LGALS8: variants seen among roughly 807,000 people sequenced by gnomAD.
LGALS8 encodes galectin 8, also known as galectin-8.
In LGALS8, 30 loss-of-function variants were observed where a neutral mutation model predicts 35.9. That is an observed-to-expected ratio of 0.83 (90% confidence interval 0.62 to 1.13). LGALS8 has a LOEUF of 1.13. LGALS8 is among the 50% of genes most tolerant of loss of function. The probability of loss-of-function intolerance (pLI) is 0.00; values close to 1 mark genes in which losing one functional copy is unlikely to be tolerated. For missense variants in LGALS8, 366 were observed against 388.7 expected, an observed-to-expected ratio of 0.94 and a Z score of 0.49; for synonymous variants, 138 against 136.1, an observed-to-expected ratio of 1.01 and a Z score of -0.10.
Position 236,538,906 on chromosome 1 carries a change from CAG to C in LGALS8, c.163_164del (p.Ser55HisfsTer29), listed in dbSNP as rs758516780. 54 of 1,612,836 alleles carry C rather than the reference CAG, an allele frequency of 3.3e-5. No homozygotes were observed. In the South Asian group the frequency reaches 5.9e-4, roughly 18 times the overall value. On this transcript the variant is annotated frameshift_variant, in exon 4 of 10. Coordinates refer to ENST00000366584, the MANE Select transcript of LGALS8 (RefSeq NM_201544.4). LOFTEE classifies it high-confidence loss of function. ...RFQVDLQNGS[S>X]MKPRADVAFH... ...TCCAGGTGGATCTGCAGAATGGCAG[CAG>C]CATGAAACCTCGAGCCGATGTGGCC...
chr1:236,522,805 G>C (rs978449880), upstream of LGALS8, among the ~76,000 whole-genome samples: 1 of 152,130 alleles, frequency 6.6e-6, no homozygotes, highest in Non-Finnish European at 1.5e-5. Context: ...ATTCAGATTG[G>C]ATCTTGAGAA....
intron 2 of LGALS8, among the ~76,000 whole-genome samples, chr1:236,533,156 C>T (rs192690958): frequency 1.3e-5 from 2 of 152,264 alleles, no homozygotes; most frequent in African/African-American, 2.4e-5. Context: ...TCCCTGACTG[C>T]GTGCTGAGAG....
intron 6 of LGALS8, 168 bp from the exon 7 acceptor site, chr1:236,542,593 C>T (rs900712383): frequency 2.9e-6 from 2 of 692,850 alleles, no homozygotes; most frequent in Non-Finnish European, 2.6e-6. Flanking sequence ...CCCTTCACAA[C>T]ACCATACCAT....
chr1:236,548,718 T>C lies in LGALS8; in HGVS notation c.*557T>C. ...ACAACTCCTTCCCCAGTGATCACTG[T>C]CATAACCAGTGCTCTACCGTATCCC... On this transcript the variant is annotated 3_prime_UTR_variant, in exon 10 of 10. Transcript: ENST00000366584. 2 of 388,018 alleles carry C rather than the reference T, an allele frequency of 5.2e-6. No homozygotes were observed. 24.0% of individuals were successfully genotyped at this position (388,018 alleles called of 1,614,324 possible). A position where few individuals can be genotyped will look rare whatever the true frequency, so the allele number is the denominator to read the frequency against.
At chr1:236,540,794 G>T in intron 5 of LGALS8, 111 bp downstream of exon 5, 1 of 1,123,916 alleles carries the variant, frequency 8.9e-7, no homozygotes. Flanking sequence ...GTATCTCCCT[G>T]ACTGTAGTAT....
intron 5 of LGALS8, 64 bp from the exon 6 acceptor site, chr1:236,541,585 TCAATA>T: frequency 3.0e-6 from 2 of 675,900 alleles, no homozygotes; most frequent in Non-Finnish European, 2.3e-6. Context: ...TTTTTATATG[TCAATA>T]TAAAATATTT....
chr1:236,526,156 A>G lies in LGALS8; in HGVS notation c.45+41A>G. The G allele has an allele frequency of 7.2e-7, 1 of 1,380,288 alleles. No individual in the cohort carries two copies. The highest frequency in any genetic ancestry group is 1.0e-6 in the Non-Finnish European group (1 of 970,164). 85.5% of individuals were successfully genotyped at this position (1,380,288 alleles called of 1,614,324 possible). A position where few individuals can be genotyped will look rare whatever the true frequency, so the allele number is the denominator to read the frequency against. On this transcript the variant is annotated intron_variant, in intron 2 of 9. Coordinates refer to ENST00000366584, the MANE Select transcript of LGALS8 (RefSeq NM_201544.4). The surrounding 1 kb of genome is among the most constrained non-coding windows in gnomAD (Gnocchi z 4.6). ...AAGATAACTTTTTACCTATGCCAGG[A>G]CAGATCCAATAGAATATTAATTATC...
intron 2 of LGALS8, chr1:236,536,363 C>G (rs1661503126): frequency 6.6e-6 from 1 of 152,190 alleles, no homozygotes; most frequent in Non-Finnish European, 1.5e-5. Flanking sequence ...CCACATAGCA[C>G]AGGTCCCCAG....
Position 236,538,910 on chromosome 1 carries a change from A to AGTG in LGALS8, c.166_167insGTG (p.Met56delinsSerVal), listed in dbSNP as rs766570399. 3.3e-5 allele frequency: 54 copies of AGTG among 1,612,486 alleles called. No individual in the cohort carries two copies. The South Asian group carries it at 5.9e-4, about 18-fold the overall frequency. On this transcript the variant is annotated protein_altering_variant, in exon 4 of 10. Transcript: ENST00000366584. ...GGTGGATCTGCAGAATGGCAGCAGCATGAAACCTCGAGCCGATGTGGCCTT... is the reference window on the plus strand; with the variant it reads ...GGTGGATCTGCAGAATGGCAGCAGCAGTGTGAAACCTCGAGCCGATGTGGCCTT...
intron 2 of LGALS8, among the ~76,000 whole-genome samples, chr1:236,533,723 T>G (rs1661283747): frequency 6.6e-6 from 1 of 152,060 alleles, no homozygotes; most frequent in Non-Finnish European, 1.5e-5. Flanking sequence ...AAAAGGAATT[T>G]GCTAAATGAT....
upstream of LGALS8, among the ~76,000 whole-genome samples, chr1:236,519,791 A>C (rs946517177): frequency 6.6e-6 from 1 of 152,226 alleles, no homozygotes; most frequent in Non-Finnish European, 1.5e-5. Context: ...GTCACAAGCC[A>C]GTATGAGCTA....
chr1:236,533,756 T>C (rs1661285825), intron 2 of LGALS8, among the ~76,000 whole-genome samples: 2 of 152,132 alleles, frequency 1.3e-5, no homozygotes, highest in Non-Finnish European at 2.9e-5. Flanking sequence ...TCAGAATCTC[T>C]AGCAGGATGA....
chr1:236,545,029 TTTTG>T, intron 9 of LGALS8, 114 bp downstream of exon 9: 1 of 780,064 alleles, frequency 1.3e-6, no homozygotes. Context: ...TGTGTATGTT[TTTTG>T]TTTACTTGGA....
At position 236,541,685 on chromosome 1, in the gene LGALS8, A is replaced by T; in HGVS notation, c.497A>T (p.Glu166Val). 6.5e-7 allele frequency: 1 copy of T among 1,528,728 alleles called. No homozygotes were observed. The highest frequency in any genetic ancestry group is 1.4e-5 in the African/African-American group (1 of 72,080). 94.7% of individuals were successfully genotyped at this position (1,528,728 alleles called of 1,614,324 possible). Residue 166 changes from glutamate to valine, a missense_variant, in exon 6 of 10, where the codon GAA (glutamate) becomes GTA (valine). Glu to Val is a moderately radical substitution (Grantham distance 121). Coordinates refer to ENST00000366584, the MANE Select transcript of LGALS8 (RefSeq NM_201544.4). ...CAAAGTACCCAAGCATCTAGTCTGG[A>T]ACTGACAGAGATAAGTAGAGAAAAT... ...DLQSTQASSL[E>V]LTEISRENVP...
Position 236,550,590 on chromosome 1 carries a change from G to A in LGALS8, c.*2429G>A, listed in dbSNP as rs966106770. 2.6e-5 allele frequency: 7 copies of A among 268,082 alleles called. No individual in the cohort carries two copies. The highest frequency in any genetic ancestry group is 7.3e-5 in the East Asian group (1 of 13,678). The allele number at this position is 268,082 out of a possible 1,614,324, so 16.6% of individuals were successfully genotyped here. On this transcript the variant is annotated 3_prime_UTR_variant, in exon 10 of 10. Coordinates refer to ENST00000366584, the MANE Select transcript of LGALS8 (RefSeq NM_201544.4). ...TGCAAATGAGGCGTCAGCTTTGGGT[G>A]CTAAAATTAACAAGTCTAATATTAT... is the stretch of plus-strand genomic sequence containing the variant.
chr1:236,548,337 C>A lies in LGALS8; in HGVS notation c.*176C>A. The A allele has an allele frequency of 1.6e-6, 1 of 623,016 alleles. No individual in the cohort carries two copies. 38.6% of individuals were successfully genotyped at this position (623,016 alleles called of 1,614,324 possible). A position where few individuals can be genotyped will look rare whatever the true frequency, so the allele number is the denominator to read the frequency against. ...CCATGAAGTATGGTGGTGTCTAGCA[C>A]TGAATGGGGAAACTGGGGGCAGCAA... On this transcript the variant is annotated 3_prime_UTR_variant, in exon 10 of 10. Coordinates refer to ENST00000366584, the MANE Select transcript of LGALS8 (RefSeq NM_201544.4).
rs751983553 is a variant in LGALS8 at position 236,542,800 on chromosome 1, G to A, written c.549+13G>A. ...CACGCCCCAGCTTGTGAGTATTTTT[G>A]CCTGGGTTATTTCATGTGGAATATT... is the stretch of plus-strand genomic sequence containing the variant. On this transcript the variant is annotated intron_variant, in intron 7 of 9. Transcript: ENST00000366584. 1 of 1,614,124 alleles carries A rather than the reference G, an allele frequency of 6.2e-7. No individual in the cohort carries two copies. Among genetic ancestry groups the A allele is most frequent in the Admixed American group, 1.7e-5 (1 of 60,016 alleles).
chr1:236,535,588 A>G (rs1451979185), intron 2 of LGALS8, among the ~76,000 whole-genome samples: 1 of 152,192 alleles, frequency 6.6e-6, no homozygotes, highest in Non-Finnish European at 1.5e-5. Flanking sequence ...CTGCTGCTAT[A>G]TATTCTTGGA....
At position 236,551,842 on chromosome 1, in the gene LGALS8, G is replaced by A; in HGVS notation, c.*3681G>A. On this transcript the variant is annotated 3_prime_UTR_variant, in exon 10 of 10. Coordinates refer to ENST00000366584, the MANE Select transcript of LGALS8 (RefSeq NM_201544.4). ...CACCCAACTCAAAACAGGAGCTCGA[G>A]CCTGCCTGTATTTGAGACTGGAGCT... is the stretch of plus-strand genomic sequence containing the variant. 1.7e-6 allele frequency: 1 copy of A among 583,962 alleles called. No individual in the cohort carries two copies. Among genetic ancestry groups the A allele is most frequent in the Non-Finnish European group, 3.0e-6 (1 of 329,770 alleles). The allele number at this position is 583,962 out of a possible 1,614,324, so 36.2% of individuals were successfully genotyped here.
Sources: allele counts gnomAD v4.1 joint callset (sites outside exome capture counted in the v4.1 genomes callset), GRCh38; gene constraint gnomAD v4.1.1; non-coding constraint Gnocchi (gnomAD v3.1); transcripts MANE v1.5; gene names NCBI Gene and HGNC (gene_info 2026-07-23, HGNC 2026-07-21).